The following CAMK4 variants were observed in gnomAD, a reference collection of about 807,000 sequenced individuals.
CAMK4 encodes the protein calcium/calmodulin dependent protein kinase IV.
In CAMK4, 22 loss-of-function variants were observed where a neutral mutation model predicts 44.9. The ratio of observed to expected loss-of-function variants is 0.49; its 90% CI spans 0.35 to 0.70. CAMK4 has a LOEUF of 0.70. Among genes scored for constraint, CAMK4 ranks in the 30% least tolerant of loss-of-function variants. The pLI, the probability that CAMK4 is intolerant of heterozygous loss-of-function variation, is 0.01. For missense variants in CAMK4, 498 were observed against 586.8 expected (o/e 0.85, Z 1.56); for synonymous variants, 218 against 215.4 (o/e 1.01, Z -0.11).
At chr5:111,275,999 G>T (rs1443964267) in intron 1 of CAMK4, among the ~76,000 whole-genome samples, 1 of 152,054 alleles carries the variant, frequency 6.6e-6, no homozygotes, top group African/African-American at 2.4e-5. Context: ...CCATCTTCTT[G>T]TATCAAATAT....
chr5:111,354,196 C>G (rs1278098338), intron 2 of CAMK4, among the ~76,000 whole-genome samples: 1 of 151,954 alleles, frequency 6.6e-6, no homozygotes, highest in Non-Finnish European at 1.5e-5. Flanking sequence ...AAGTCAAATA[C>G]TGGACACAAA....
rs1748979402 is a variant in CAMK4, at chr5:111,328,050, A to G, written c.162-15974A>G. Among the ~76,000 whole-genome samples the G allele has an allele frequency of 2.6e-5, 3 of 113,324 alleles. 1 individual carries two copies. In the Admixed American group the frequency reaches 2.7e-4, roughly 10 times the overall value. 74.3% of individuals were successfully genotyped at this position (113,324 alleles called of 152,430 possible). A position where few individuals can be genotyped will look rare whatever the true frequency, so the allele number is the denominator to read the frequency against. ...TTTGTCAATTTTGGCTTTTGTTGCC[A>G]TTGCTTTTGGTGTTTTAGACATGAA... On this transcript the variant is annotated intron_variant, in intron 1 of 10. Transcript: ENST00000282356.
At chr5:111,408,039 C>A (rs1752500075) in intron 5 of CAMK4, among the ~76,000 whole-genome samples, 1 of 151,532 alleles carries the variant, frequency 6.6e-6, no homozygotes, top group South Asian at 2.1e-4. Context: ...AACCTGGGAG[C>A]CAGAGGTTGT....
intron 7 of CAMK4, among the ~76,000 whole-genome samples, chr5:111,451,165 C>T (rs1754218353): frequency 6.6e-6 from 1 of 152,076 alleles, no homozygotes; most frequent in Non-Finnish European, 1.5e-5. Context: ...CAAGATTCCA[C>T]ATCTAGTTGT....
intron 1 of CAMK4, among the ~76,000 whole-genome samples, chr5:111,254,237 A>G (rs1561364670): frequency 6.6e-6 from 1 of 152,190 alleles, no homozygotes; most frequent in Non-Finnish European, 1.5e-5. Flanking sequence ...ATTAATGTCT[A>G]TAAGTTTGTT....
intron 4 of CAMK4, among the ~76,000 whole-genome samples, chr5:111,392,336 A>G (rs535093954): frequency 1.4e-4 from 22 of 152,228 alleles, no homozygotes; most frequent in African/African-American, 4.6e-4. Context: ...ACACACTTCA[A>G]CTATAAGATC....
chr5:111,324,744 C>T (rs1053304542), intron 1 of CAMK4, among the ~76,000 whole-genome samples: 3 of 151,978 alleles, frequency 2.0e-5, no homozygotes, highest in African/African-American at 7.2e-5. Flanking sequence ...AAAATATATT[C>T]CTTTTTGAGA....
intron 1 of CAMK4, among the ~76,000 whole-genome samples, chr5:111,299,306 A>G (rs150208420): frequency 1.3e-5 from 2 of 152,336 alleles, no homozygotes; most frequent in Non-Finnish European, 2.9e-5. Context: ...ACTATTGTCT[A>G]TATAAGGTAT....
rs1755990450 is a variant in CAMK4 at position 111,494,455 on chromosome 5, AT to A, written c.*9990del. 1.3e-5 allele frequency: 2 copies of A among 152,292 alleles called. No individual in the cohort carries two copies. The highest frequency in any genetic ancestry group is 1.3e-4 in the Admixed American group (2 of 15,276). 9.4% of individuals were successfully genotyped at this position (152,292 alleles called of 1,614,324 possible). A position where few individuals can be genotyped will look rare whatever the true frequency, so the allele number is the denominator to read the frequency against. ...TGTTTGTAGAGAATTCATCAAAATC[AT>A]GCCCATTTGCTGTTGTAGAGCTACA... On this transcript the variant is annotated 3_prime_UTR_variant, in exon 11 of 11. Coordinates refer to ENST00000282356, the MANE Select transcript of CAMK4 (RefSeq NM_001744.6).
At chr5:111,307,988 A>C in intron 1 of CAMK4, among the ~76,000 whole-genome samples, 1 of 92,136 alleles carries the variant, frequency 1.1e-5, no homozygotes, top group Non-Finnish European at 2.0e-5. Flanking sequence ...TTCTCAGTAA[A>C]CTATCGCAAG....
chr5:111,477,226 C>G (rs1311665411), intron 8 of CAMK4, among the ~76,000 whole-genome samples: 1 of 152,208 alleles, frequency 6.6e-6, no homozygotes, highest in Non-Finnish European at 1.5e-5. Context: ...GGGGTCTGCA[C>G]TGTCAGGCCT....
At chr5:111,372,303 T>G (rs1050397731) in intron 2 of CAMK4, among the ~76,000 whole-genome samples, 2 of 152,118 alleles carry the variant, frequency 1.3e-5, no homozygotes. Context: ...CCCATCTCCC[T>G]CAACCATGGT....
At chr5:111,243,752 C>A (rs1202520964) in intron 1 of CAMK4, among the ~76,000 whole-genome samples, 1 of 152,156 alleles carries the variant, frequency 6.6e-6, no homozygotes, top group Non-Finnish European at 1.5e-5. Flanking sequence ...GCGGTTCTTT[C>A]CTGTGTTTAC....
chr5:111,366,752 G>A (rs1390788356), intron 2 of CAMK4, among the ~76,000 whole-genome samples: 6 of 151,928 alleles, frequency 3.9e-5, no homozygotes, highest in African/African-American at 1.4e-4. Flanking sequence ...CCCCTACCAT[G>A]GGGACAGACA....
chr5:111,370,842 G>A (rs1447995724), intron 2 of CAMK4, among the ~76,000 whole-genome samples: 5 of 152,126 alleles, frequency 3.3e-5, no homozygotes, highest in Non-Finnish European at 7.3e-5. Context: ...TTGAACTTGG[G>A]AGGCAGAGGT....
chr5:111,445,215 A>T (rs1054293281), intron 5 of CAMK4, among the ~76,000 whole-genome samples: 1 of 152,210 alleles, frequency 6.6e-6, no homozygotes, highest in African/African-American at 2.4e-5. Context: ...TTAAAAATGA[A>T]TAAGTAAATT....
At chr5:111,347,038 G>A (rs566349747) in intron 2 of CAMK4, among the ~76,000 whole-genome samples, 2 of 152,080 alleles carry the variant, frequency 1.3e-5, no homozygotes, top group African/African-American at 2.4e-5. Flanking sequence ...AATATATGGA[G>A]GTTATGCATT....
intron 5 of CAMK4, among the ~76,000 whole-genome samples, chr5:111,443,318 T>C (rs909004078): frequency 1.1e-4 from 15 of 133,174 alleles, no homozygotes; most frequent in Non-Finnish European, 2.2e-4. Context: ...ACACACACTA[T>C]ATATATATAC....
At chr5:111,318,388 T>G (rs183347653) in intron 1 of CAMK4, among the ~76,000 whole-genome samples, 11 of 152,308 alleles carry the variant, frequency 7.2e-5, no homozygotes, top group Non-Finnish European at 2.9e-5. Flanking sequence ...AAAGTGAGGC[T>G]CATTCAATAC....
Sources: gnomAD v4.1 joint callset for allele counts (sites outside exome capture counted in the v4.1 genomes callset) on GRCh38, gnomAD v4.1.1 for gene constraint, MANE v1.5 for transcripts, NCBI Gene and HGNC (gene_info 2026-07-23, HGNC 2026-07-21) for gene names.